KY: variants seen among roughly 807,000 people sequenced by gnomAD.
KY encodes kyphoscoliosis peptidase.
Under a neutral mutation model 76.1 loss-of-function variants are expected in KY, and 43 were observed. The observed-to-expected ratio is 0.57, with a 90% CI of 0.44 to 0.73. The LOEUF is 0.73. KY is among the 30% of genes least tolerant of loss of function. The probability of loss-of-function intolerance (pLI) is 0.00; values close to 1 mark genes in which losing one functional copy is unlikely to be tolerated. For missense variants in KY, 722 were observed against 828.9 expected (o/e 0.87, Z 1.58); for synonymous variants, 277 against 326.2 (o/e 0.85, Z 1.63).
intron 5 of KY, among the ~76,000 whole-genome samples, chr3:134,626,047 C>T (rs1051271539): frequency 1.8e-4 from 27 of 152,218 alleles, no homozygotes; most frequent in East Asian, 5.8e-4. Flanking sequence ...ACCCCTGTCC[C>T]GGCCCAGAAG....
intron 10 of KY, among the ~76,000 whole-genome samples, chr3:134,605,241 C>T (rs868831429): frequency 3.3e-5 from 5 of 152,154 alleles, no homozygotes; most frequent in Non-Finnish European, 7.4e-5. Flanking sequence ...CTGCCTGGTC[C>T]CTCCTGGCTT....
chr3:134,607,996 C>G, intron 10 of KY: 1 of 1,035,536 alleles, frequency 9.7e-7, no homozygotes. Context: ...GCTACTAGGC[C>G]TGTTCTCCTC....
In KY at chr3:134,627,795, T is replaced by G. The variant is rs752071398; in HGVS notation, c.361A>C (p.Asn121His). ...CCTCCAGGTTGCCGGGGTCTTGTGT[T>G]TCCATTTTTATCACCTTGTAAACCT... ...AKRLQGDKNG[N>H]TRPRQPGGKD... The change falls in exon 5 of 11, where the codon AAC becomes CAC. Residue 121 changes from asparagine to histidine, a missense_variant. By Grantham distance (68) the Asn-to-His change is moderately conservative. Transcript: ENST00000423778. 4 of 1,613,892 alleles carry G rather than the reference T, an allele frequency of 2.5e-6. 1 individual carries two copies. In the South Asian group the frequency reaches 4.4e-5, roughly 18 times the overall value.
At chr3:134,623,555 C>T (rs1962986058) in intron 6 of KY, among the ~76,000 whole-genome samples, 1 of 151,454 alleles carries the variant, frequency 6.6e-6, no homozygotes, top group South Asian at 2.1e-4. Flanking sequence ...CTTGTTCCCC[C>T]ACCTTAGGAT....
chr3:134,635,383 G>C (rs756983154), intron 3 of KY, among the ~76,000 whole-genome samples: 22 of 150,964 alleles, frequency 1.5e-4, no homozygotes, highest in Non-Finnish European at 2.8e-4. Context: ...TGTAACCCCA[G>C]CTACTCGGGA....
chr3:134,638,752 C>T (rs1319179387), intron 3 of KY, among the ~76,000 whole-genome samples: 1 of 152,250 alleles, frequency 6.6e-6, no homozygotes, highest in Non-Finnish European at 1.5e-5. Context: ...CTGACAGCTG[C>T]TCTCCAGATC....
chr3:134,642,611 G>A (rs1965905500), intron 3 of KY, among the ~76,000 whole-genome samples: 1 of 152,154 alleles, frequency 6.6e-6, no homozygotes, highest in South Asian at 2.1e-4. Flanking sequence ...CCCAATGAAG[G>A]TGCCTCTCAC....
intron 10 of KY, among the ~76,000 whole-genome samples, chr3:134,606,176 G>T (rs1959194253): frequency 6.6e-6 from 1 of 152,122 alleles, no homozygotes; most frequent in African/African-American, 2.4e-5. Flanking sequence ...AACTGGCTGT[G>T]AGTCTTTTCT....
chr3:134,615,671 G>A (rs4306899), intron 8 of KY, among the ~76,000 whole-genome samples: 51,900 of 150,430 alleles, frequency 0.35, 9,388 homozygotes, highest in Non-Finnish European at 0.37. Context: ...ATAAGGGTGG[G>A]GGAGCTAAGA....
intron 10 of KY, chr3:134,607,768 G>A (rs4997841): frequency 0.17 from 170,496 of 985,918 alleles, 15,268 homozygotes; most frequent in African/African-American, 0.28. Context: ...GTCAGCCCAG[G>A]CCAGCCATGG....
At chr3:134,630,083 T>C (rs532856181) in intron 3 of KY, among the ~76,000 whole-genome samples, 20 of 152,352 alleles carry the variant, frequency 1.3e-4, no homozygotes, top group Non-Finnish European at 1.9e-4. Context: ...TCATCTAGAC[T>C]GGACTTAAAG....
intron 2 of KY, among the ~76,000 whole-genome samples, chr3:134,646,048 G>A (rs1966400489): frequency 6.6e-6 from 1 of 152,124 alleles, no homozygotes; most frequent in Admixed American, 6.5e-5. Context: ...GTGCTTCTTT[G>A]TTTCCACCTG....
chr3:134,613,265 A>T (rs183158961), intron 8 of KY: 228 of 154,174 alleles, frequency 1.5e-3, no homozygotes, highest in African/African-American at 5.1e-3. Context: ...GTAAATCAGA[A>T]TGGGTATGGA....
Position 134,630,817 on chromosome 3 carries a change from C to A in KY, c.263-1122G>T, listed in dbSNP as rs201904929. ...AACCAACAGATGCCAACTCCACACA[C>A]AAAAAACCAGCCACAATAACATGCC... On this transcript the variant is annotated intron_variant, in intron 3 of 10. Coordinates refer to ENST00000423778, the MANE Select transcript of KY (RefSeq NM_178554.6). Among the ~76,000 whole-genome samples the A allele has an allele frequency of 2.9e-4, 44 of 152,106 alleles. 1 individual carries two copies. Among genetic ancestry groups the A allele is most frequent in the African/African-American group, 1.0e-3 (43 of 41,478 alleles).
At chr3:134,622,363 G>T (rs550478731) in intron 6 of KY, among the ~76,000 whole-genome samples, 71 of 152,282 alleles carry the variant, frequency 4.7e-4, no homozygotes, top group African/African-American at 1.6e-3. Context: ...ATATATACAT[G>T]GGAATATTAT....
intron 5 of KY, among the ~76,000 whole-genome samples, chr3:134,625,487 C>T (rs149669367): frequency 1.5e-3 from 235 of 152,324 alleles, no homozygotes; most frequent in African/African-American, 5.3e-3. Flanking sequence ...TTTGGTTTTC[C>T]GTGGATTCCC....
rs930163938 is a variant in KY at position 134,602,602 on chromosome 3, C to G, written c.*977G>C. On this transcript the variant is annotated 3_prime_UTR_variant, in exon 11 of 11. Coordinates refer to ENST00000423778, the MANE Select transcript of KY (RefSeq NM_178554.6). Reference sequence around the variant, plus strand: ...TGCCGCACTGCACTACTCACCTGATCTGCGCCCAGGTCCTTATTCAGGGCT... The same window carrying G: ...TGCCGCACTGCACTACTCACCTGATGTGCGCCCAGGTCCTTATTCAGGGCT... Among the ~76,000 whole-genome samples, 1 of 152,210 alleles carries G rather than the reference C, an allele frequency of 6.6e-6. No homozygotes were observed. Among genetic ancestry groups the G allele is most frequent in the Non-Finnish European group, 1.5e-5 (1 of 68,028 alleles).
chr3:134,621,436 T>G (rs924056387), intron 6 of KY, among the ~76,000 whole-genome samples: 1 of 152,244 alleles, frequency 6.6e-6, no homozygotes, highest in African/African-American at 2.4e-5. Flanking sequence ...AGTGGATCTT[T>G]GACAAGGGTG....
At chr3:134,625,032 C>A in intron 6 of KY, 21 bp downstream of exon 6, 1 of 1,575,174 alleles carries the variant, frequency 6.3e-7, no homozygotes, top group Non-Finnish European at 8.6e-7. Context: ...GGCCCATGGT[C>A]AGAGCGGCCA....
Sources: gnomAD v4.1 joint callset for allele counts (sites outside exome capture counted in the v4.1 genomes callset) on GRCh38, gnomAD v4.1.1 for gene constraint, MANE v1.5 for transcripts, NCBI Gene and HGNC (gene_info 2026-07-23, HGNC 2026-07-21) for gene names.